DTNA: variants seen among roughly 807,000 people sequenced by gnomAD.
DTNA encodes the protein dystrophin-related protein 3.
DTNA carries 43 observed loss-of-function variants against 100.7 expected under a neutral mutation model. The observed-to-expected ratio is 0.43, with a 90% confidence interval of 0.33 to 0.55. The LOEUF is 0.55. DTNA is among the 20% of genes least tolerant of loss of function. DTNA has a pLI of 0.04. For missense variants in DTNA, 798 were observed against 953.9 expected, an observed-to-expected ratio of 0.84 and a Z score of 2.15; for synonymous variants, 349 against 347.9, an observed-to-expected ratio of 1.00 and a Z score of -0.04.
intron 1 of DTNA, among the ~76,000 whole-genome samples, chr18:34,532,443 T>A (rs2043232150): frequency 6.6e-6 from 1 of 152,076 alleles, no homozygotes; most frequent in Non-Finnish European, 1.5e-5. Flanking sequence ...TTAGCTCAGT[T>A]GAGATCATTC....
At chr18:34,538,552 T>C (rs2043943162) in intron 1 of DTNA, among the ~76,000 whole-genome samples, 1 of 151,998 alleles carries the variant, frequency 6.6e-6, no homozygotes, top group Non-Finnish European at 1.5e-5. Context: ...TGGAGCGTTA[T>C]GACCTTAAGG....
intron 4 of DTNA, among the ~76,000 whole-genome samples, chr18:34,801,806 G>A (rs1388174078): frequency 2.0e-5 from 3 of 152,030 alleles, no homozygotes; most frequent in East Asian, 3.9e-4. Flanking sequence ...ATCACCCCTG[G>A]CCAATTACTA....
chr18:34,806,355 C>T lies in DTNA; in HGVS notation c.448+51C>T, dbSNP rs187002337. 3.7e-5 allele frequency: 56 copies of T among 1,496,428 alleles called. No homozygotes were observed. In the African/African-American group the frequency reaches 6.1e-4, roughly 16 times the overall value. 92.7% of individuals were successfully genotyped at this position (1,496,428 alleles called of 1,614,324 possible). The stretch of plus-strand genomic sequence containing the variant: ...GTTTGCTTTTCCTTGCTAGGTACCA[C>T]CCTTTTCTCTCCCTCATTCCTCTAT... On this transcript the variant is annotated intron_variant, in intron 5 of 22. Transcript: ENST00000444659.
chr18:34,774,782 A>G (rs2093960423), intron 3 of DTNA, among the ~76,000 whole-genome samples: 1 of 152,232 alleles, frequency 6.6e-6, no homozygotes, highest in Non-Finnish European at 1.5e-5. Context: ...GAAAAGTGGA[A>G]GATTTATTCA....
At chr18:34,777,053 A>C (rs977457086) in intron 3 of DTNA, among the ~76,000 whole-genome samples, 2 of 152,170 alleles carry the variant, frequency 1.3e-5, no homozygotes, top group African/African-American at 4.8e-5. Flanking sequence ...AACCCCATTT[A>C]ACACTCCAGT....
rs1851302 is a variant in DTNA, at chr18:34,505,404, A to G, written c.-2+11890A>G. Among the ~76,000 whole-genome samples the G allele has an allele frequency of 3.3e-3, 502 of 152,252 alleles. 3 individuals carry two copies. Among genetic ancestry groups the G allele is most frequent in the African/African-American group, 0.012 (478 of 41,556 alleles). ...AGTTGTAGAATAATCACATCTACCA[A>G]ATCTCTTTTTTCCATTCACAGCTTC... On this transcript the variant is annotated intron_variant, in intron 1 of 19. Transcript: ENST00000283365.
rs558509102 is a variant in DTNA, at chr18:34,888,285, GA to G, written c.*558del. 1.6e-4 allele frequency: 155 copies of G among 985,594 alleles called. 1 individual carries two copies. In the African/African-American group the frequency reaches 2.6e-3, roughly 16 times the overall value. 61.1% of individuals were successfully genotyped at this position (985,594 alleles called of 1,614,324 possible). On this transcript the variant is annotated 3_prime_UTR_variant, in exon 23 of 23. Coordinates refer to ENST00000444659, the MANE Select transcript of DTNA (RefSeq NM_001386795.1). ...CTGTACATTTTTTTCACAGCAATTG[GA>G]AAAAAACAACCACTTGCAATCATTC...
rs529524422 is a variant in DTNA, at chr18:34,727,190, C to G, written c.-2+16745C>G. Among the ~76,000 whole-genome samples, 17 of 152,372 alleles carry G rather than the reference C, an allele frequency of 1.1e-4. No individual in the cohort carries two copies. The South Asian group carries it at 3.1e-3, about 28-fold the overall frequency. ...TTCACAGGGCAGCAGGGTCCTGGGC[C>G]TGGCCCCAAAACCCATTCTTTCCTA... is the stretch of plus-strand genomic sequence containing the variant. On this transcript the variant is annotated intron_variant, in intron 1 of 22. Transcript: ENST00000444659.
intron 8 of DTNA, 147 bp from the exon 9 acceptor site, chr18:34,820,644 G>A (rs1602642808): frequency 1.2e-5 from 16 of 1,313,002 alleles, no homozygotes; most frequent in East Asian, 7.6e-5. Flanking sequence ...ACTCTTTTCC[G>A]AGCATTGAGC....
In DTNA at chr18:34,875,248, G is replaced by A. The variant is rs767501382; in HGVS notation, c.1753G>A (p.Ala585Thr). Residue 585 changes from alanine to threonine, a missense_variant, in exon 18 of 23, where the codon GCA becomes ACA. Ala to Thr is a moderately conservative substitution (Grantham distance 58). Around this residue, in one of 6 missense-constraint regions of DTNA, gnomAD observed 242 missense variants for 238.2 expected, o/e 1.02. Coordinates refer to ENST00000444659, the MANE Select transcript of DTNA (RefSeq NM_001386795.1). Reference protein sequence around the residue: ...GLMKLLKTQGAGSPRSSPSHT... With the variant: ...GLMKLLKTQGTGSPRSSPSHT... Reference sequence around the variant, plus strand: ...TGCATTGTCTCTCCAGACTCAGGGGGCAGGCTCTCCCCGCTCCTCCCCCAG... The same window carrying A: ...TGCATTGTCTCTCCAGACTCAGGGGACAGGCTCTCCCCGCTCCTCCCCCAG... 5.6e-6 allele frequency: 9 copies of A among 1,613,766 alleles called. No homozygotes were observed. Among genetic ancestry groups the A allele is most frequent in the East Asian group, 2.2e-5 (1 of 44,878 alleles).
At chr18:34,649,821 C>G (rs1025219641) in intron 1 of DTNA, among the ~76,000 whole-genome samples, 2 of 151,650 alleles carry the variant, frequency 1.3e-5, no homozygotes, top group African/African-American at 4.8e-5. Context: ...TTGCTTTTTC[C>G]TGTCACATAG....
At chr18:34,772,474 T>G (rs1194863784) in intron 3 of DTNA, among the ~76,000 whole-genome samples, 1 of 152,210 alleles carries the variant, frequency 6.6e-6, no homozygotes, top group East Asian at 1.9e-4. Context: ...AACTAGTCGG[T>G]CCTGAATCAA....
At chr18:34,620,498 G>A (rs1311331151) in intron 1 of DTNA, among the ~76,000 whole-genome samples, 1 of 152,150 alleles carries the variant, frequency 6.6e-6, no homozygotes, top group Admixed American at 6.5e-5. Context: ...TTCTCACATT[G>A]CTATAAATAA....
In DTNA at chr18:34,888,005, A is replaced by G; in HGVS notation, c.*271A>G. The G allele has an allele frequency of 1.0e-6, 1 of 985,866 alleles. No individual in the cohort carries two copies. The highest frequency in any genetic ancestry group is 4.7e-5 in the South Asian group (1 of 21,278). The allele number at this position is 985,866 out of a possible 1,614,324, so 61.1% of individuals were successfully genotyped here. A position where few individuals can be genotyped will look rare whatever the true frequency, so the allele number is the denominator to read the frequency against. ...ATAGGTGTGTGTTTCAAGAAGGAAA[A>G]AAAAAGACTTCTGTTCAAAGTTAAC... On this transcript the variant is annotated 3_prime_UTR_variant, in exon 23 of 23. Transcript: ENST00000444659.
At chr18:34,585,109 G>A (rs2048997104) in intron 1 of DTNA, among the ~76,000 whole-genome samples, 1 of 152,086 alleles carries the variant, frequency 6.6e-6, no homozygotes. Context: ...GCTACTGCAT[G>A]CTCGCCCACC....
intron 1 of DTNA, among the ~76,000 whole-genome samples, chr18:34,520,113 C>A (rs899125134): frequency 1.3e-5 from 2 of 152,120 alleles, no homozygotes; most frequent in African/African-American, 4.8e-5. Context: ...TAGGTACCTT[C>A]TGATAAGAAA....
intron 1 of DTNA, among the ~76,000 whole-genome samples, chr18:34,544,018 C>A (rs1376394433): frequency 6.6e-6 from 1 of 152,066 alleles, no homozygotes; most frequent in Admixed American, 6.6e-5. Context: ...GCAATAGATT[C>A]TCTTACATAA....
At chr18:34,558,860 A>C (rs2146175683) in intron 1 of DTNA, among the ~76,000 whole-genome samples, 1 of 152,284 alleles carries the variant, frequency 6.6e-6, no homozygotes, top group East Asian at 1.9e-4. Context: ...AGCTTAGGGA[A>C]GGAGGAAGCA....
intron 1 of DTNA, among the ~76,000 whole-genome samples, chr18:34,527,004 C>T (rs541426884): frequency 6.6e-5 from 10 of 152,170 alleles, no homozygotes; most frequent in African/African-American, 2.4e-4. Context: ...CATGAAAACT[C>T]TCTTTGCTTT....
Sources: gnomAD v4.1 joint callset for allele counts (sites outside exome capture counted in the v4.1 genomes callset) on GRCh38, gnomAD v4.1.1 for gene constraint, gnomAD v4.1.1 regional missense constraint, MANE v1.5 for transcripts, NCBI Gene and HGNC (gene_info 2026-07-23, HGNC 2026-07-21) for gene names.